Variants in TTLL5 observed in about 807,000 individuals in gnomAD.
TTLL5 encodes the protein tubulin tyrosine ligase like 5, also known as tubulin polyglutamylase TTLL5.
In TTLL5, 132 loss-of-function variants were observed where a neutral mutation model predicts 168.4. That is an observed-to-expected ratio of 0.78 (90% CI 0.68 to 0.91). TTLL5 has a LOEUF of 0.91. Among genes scored for constraint, TTLL5 ranks in the 40% least tolerant of loss-of-function variants. The probability of loss-of-function intolerance (pLI) is 0.00; values close to 1 mark genes in which losing one functional copy is unlikely to be tolerated. For synonymous variants in TTLL5, 546 were observed against 558.6 expected (o/e 0.98, Z 0.32); for missense variants, 1,545 against 1,581.5 (o/e 0.98, Z 0.39).
chr14:75,844,537 A>G (rs1433701504), intron 28 of TTLL5, among the ~76,000 whole-genome samples: 1 of 152,178 alleles, frequency 6.6e-6, no homozygotes, highest in Non-Finnish European at 1.5e-5. Flanking sequence ...TCTTTCCTTT[A>G]TTCTGTATGT....
At chr14:75,866,892 GGAA>G (rs2030561136) in intron 29 of TTLL5, among the ~76,000 whole-genome samples, 1 of 152,160 alleles carries the variant, frequency 6.6e-6, no homozygotes, top group Non-Finnish European at 1.5e-5. Context: ...AGCCAGTGGC[GGAA>G]GTTTTCAGGA....
In TTLL5 at chr14:75,745,195, T is replaced by C; in HGVS notation, c.1382T>C (p.Leu461Pro). 6.2e-7 allele frequency: 1 copy of C among 1,613,984 alleles called. No individual in the cohort carries two copies. The highest frequency in any genetic ancestry group is 8.5e-7 in the Non-Finnish European group (1 of 1,179,918). ...PGKLGGSVLG[L>P]SMEEIKVLRR... ...AAGTTGGGTGGTTCTGTGCTTGGTC[T>C]GTCAATGGAGGAGGTAAAGATAAGT... The change falls in exon 16 of 32, where the codon CTG becomes CCG. Residue 461 changes from leucine to proline, a missense_variant. Leu to Pro is a moderately conservative substitution (Grantham distance 98). Coordinates refer to ENST00000298832, the MANE Select transcript of TTLL5 (RefSeq NM_015072.5).
At chr14:75,857,751 A>C (rs1897207070) in intron 28 of TTLL5, among the ~76,000 whole-genome samples, 1 of 151,766 alleles carries the variant, frequency 6.6e-6, no homozygotes, top group African/African-American at 2.4e-5. Flanking sequence ...TCCCAGGTTC[A>C]AGCGATTCTC....
intron 3 of TTLL5, 23 bp from the exon 4 acceptor site, chr14:75,681,522 A>G: frequency 6.2e-7 from 1 of 1,607,058 alleles, no homozygotes; most frequent in Non-Finnish European, 8.5e-7. Flanking sequence ...CTAGTTACTG[A>G]ACTTGATTCT....
At chr14:75,778,167 G>T (rs1891832274) in intron 23 of TTLL5, among the ~76,000 whole-genome samples, 1 of 152,116 alleles carries the variant, frequency 6.6e-6, no homozygotes, top group Non-Finnish European at 1.5e-5. Flanking sequence ...ATAACATATT[G>T]TTAACTAATT....
intron 31 of TTLL5, among the ~76,000 whole-genome samples, chr14:75,920,945 T>C (rs528666685): frequency 6.6e-6 from 1 of 152,340 alleles, no homozygotes; most frequent in South Asian, 2.1e-4. Context: ...TATCTCGTTG[T>C]GGTTTTGGTT....
At chr14:75,850,129 G>A (rs140992089) in intron 28 of TTLL5, among the ~76,000 whole-genome samples, 150 of 151,878 alleles carry the variant, frequency 9.9e-4, no homozygotes, top group African/African-American at 3.3e-3. Context: ...ATCTGGGGCC[G>A]GGCACGGTGG....
chr14:75,840,141 C>CA (rs138806849), intron 28 of TTLL5, among the ~76,000 whole-genome samples: 2,307 of 152,214 alleles, frequency 0.015, 55 homozygotes, highest in African/African-American at 0.053. Context: ...AAATCATTGC[C>CA]AAATCCAGTG....
intron 28 of TTLL5, among the ~76,000 whole-genome samples, chr14:75,843,506 C>A (rs935829995): frequency 6.6e-6 from 1 of 152,226 alleles, no homozygotes; most frequent in Non-Finnish European, 1.5e-5. Flanking sequence ...GTTCATCTTA[C>A]ACAAGAAGGA....
intron 31 of TTLL5, among the ~76,000 whole-genome samples, chr14:75,929,031 G>C (rs560498091): frequency 6.5e-4 from 72 of 111,130 alleles, no homozygotes; most frequent in African/African-American, 2.5e-3. Flanking sequence ...TCGTGGCCAC[G>C]GAGCAGCTGA....
At position 75,927,611 on chromosome 14, in the gene TTLL5, G is replaced by A. The variant is rs112782833; in HGVS notation, c.3823+25387G>A. ...CCAACAAATAATTTGACTGCCTCCC[G>A]TGTGTGAAGTGTGTTCTAAGGTCTT... On this transcript the variant is annotated intron_variant, in intron 31 of 31. Transcript: ENST00000298832. Among the ~76,000 whole-genome samples, 7 of 152,268 alleles carry A rather than the reference G, an allele frequency of 4.6e-5. 1 individual carries two copies. The highest frequency in any genetic ancestry group is 1.2e-4 in the African/African-American group (5 of 41,548).
intron 21 of TTLL5, among the ~76,000 whole-genome samples, chr14:75,773,959 G>A (rs12892497): frequency 1.7e-3 from 59 of 34,152 alleles, no homozygotes; most frequent in East Asian, 7.0e-3. Flanking sequence ...GAGAGAGAAA[G>A]AGAGAGAGAG....
chr14:75,803,211 T>G (rs1021898649), intron 27 of TTLL5: 2 of 152,214 alleles, frequency 1.3e-5, no homozygotes, highest in Non-Finnish European at 2.9e-5. Flanking sequence ...TTTTCCTCCA[T>G]GCTCGCTGGT....
intron 28 of TTLL5, chr14:75,847,845 G>A (rs1398721370): frequency 1.3e-5 from 2 of 152,052 alleles, no homozygotes; most frequent in African/African-American, 4.8e-5. Flanking sequence ...ATTCCAGTAG[G>A]CCTGGAGTGA....
rs2033056176 is a variant in TTLL5, at chr14:75,904,301, C to T, written c.3823+2077C>T. 18 of 1,018,468 alleles carry T rather than the reference C, an allele frequency of 1.8e-5. No individual in the cohort carries two copies. The South Asian group carries it at 2.2e-4, about 12-fold the overall frequency. 63.1% of individuals were successfully genotyped at this position (1,018,468 alleles called of 1,614,324 possible). A position where few individuals can be genotyped will look rare whatever the true frequency, so the allele number is the denominator to read the frequency against. On this transcript the variant is annotated intron_variant, in intron 31 of 31. Coordinates refer to ENST00000298832, the MANE Select transcript of TTLL5 (RefSeq NM_015072.5). ...CTTCACCTGGGATTGTTATGAACTGCGAAGTAATGGCACAAGGGAATCATG... is the reference window on the plus strand; with the variant it reads ...CTTCACCTGGGATTGTTATGAACTGTGAAGTAATGGCACAAGGGAATCATG...
At chr14:75,874,660 G>A (rs2031314511) in intron 29 of TTLL5, among the ~76,000 whole-genome samples, 1 of 152,096 alleles carries the variant, frequency 6.6e-6, no homozygotes, top group Non-Finnish European at 1.5e-5. Flanking sequence ...TGAAGCAGAA[G>A]AATAAAGAGA....
intron 31 of TTLL5, among the ~76,000 whole-genome samples, chr14:75,913,105 T>G (rs2033456287): frequency 6.6e-6 from 1 of 152,236 alleles, no homozygotes; most frequent in South Asian, 2.1e-4. Flanking sequence ...TCTTACTGTT[T>G]GAAGATGCGT....
chr14:75,832,066 ACTT>A (rs1895599740), intron 28 of TTLL5, among the ~76,000 whole-genome samples: 2 of 152,030 alleles, frequency 1.3e-5, no homozygotes, highest in Non-Finnish European at 2.9e-5. Flanking sequence ...TGAGGCTAGA[ACTT>A]CTCCCTTTTT....
At chr14:75,859,232 G>C (rs1311359702) in intron 28 of TTLL5, among the ~76,000 whole-genome samples, 1 of 152,226 alleles carries the variant, frequency 6.6e-6, no homozygotes, top group African/African-American at 2.4e-5. Flanking sequence ...TGATGGAACA[G>C]ATATTAAACC....
Sources: gnomAD v4.1 joint callset for allele counts (sites outside exome capture counted in the v4.1 genomes callset) on GRCh38, gnomAD v4.1.1 for gene constraint, MANE v1.5 for transcripts, NCBI Gene and HGNC (gene_info 2026-07-23, HGNC 2026-07-21) for gene names.